WWOX: variants seen among roughly 807,000 people sequenced by gnomAD.
The protein encoded by WWOX is WW domain-containing oxidoreductase.
A neutral mutation model predicts 46.2 loss-of-function variants in WWOX; 69 were observed. The ratio of observed to expected loss-of-function variants is 1.49; its 90% CI spans 1.23 to 1.82. The LOEUF is 1.82. Among genes scored for constraint, WWOX ranks in the 40% most tolerant of loss-of-function variants. The pLI is 0.00. For synonymous variants in WWOX, 359 were observed against 202.6 expected, an observed-to-expected ratio of 1.77 and a Z score of -6.56; for missense variants, 919 against 542.6, an observed-to-expected ratio of 1.69 and a Z score of -6.89.
chr16:78,591,377 C>T (rs916042947), intron 8 of WWOX, among the ~76,000 whole-genome samples: 3 of 152,108 alleles, frequency 2.0e-5, no homozygotes, highest in Non-Finnish European at 4.4e-5. Flanking sequence ...GTGTTTAGGC[C>T]ATGGAAGAGT....
chr16:79,061,562 G>C (rs575663276), intron 8 of WWOX, among the ~76,000 whole-genome samples: 1 of 152,324 alleles, frequency 6.6e-6, no homozygotes, highest in Admixed American at 6.5e-5. Context: ...AGTTTATTTA[G>C]AAAGTAACAC....
intron 8 of WWOX, among the ~76,000 whole-genome samples, chr16:78,892,674 G>C (rs983581960): frequency 6.6e-6 from 1 of 152,204 alleles, no homozygotes; most frequent in African/African-American, 2.4e-5. Context: ...GCCAGCATTG[G>C]GCTAGGTGAG....
chr16:78,461,597 G>C lies in WWOX; in HGVS notation c.1056+28845G>C, dbSNP rs566982849. On this transcript the variant is annotated intron_variant, in intron 8 of 8. Coordinates refer to ENST00000566780, the MANE Select transcript of WWOX (RefSeq NM_016373.4). ...ACAGGTAAGGCAGCCAGGAGCTGCTGTTATTTCAGTGCAAAGCTGTTTTCA... is the reference window on the plus strand; with the variant it reads ...ACAGGTAAGGCAGCCAGGAGCTGCTCTTATTTCAGTGCAAAGCTGTTTTCA... Among the ~76,000 whole-genome samples, 12 of 152,314 alleles carry C rather than the reference G, an allele frequency of 7.9e-5. No homozygotes were observed. The South Asian group carries it at 2.5e-3, about 32-fold the overall frequency.
intron 8 of WWOX, among the ~76,000 whole-genome samples, chr16:78,703,635 G>T (rs1377251139): frequency 1.1e-4 from 17 of 151,048 alleles, no homozygotes; most frequent in Middle Eastern, 6.8e-3. Context: ...GTTTTTTTTT[G>T]TTTGTTTGTT....
chr16:78,732,412 C>T (rs942362085), intron 8 of WWOX, among the ~76,000 whole-genome samples: 3 of 152,156 alleles, frequency 2.0e-5, no homozygotes, highest in Non-Finnish European at 4.4e-5. Flanking sequence ...TAGTCAGCTT[C>T]AGTCATCAGA....
At chr16:78,973,891 T>A (rs970021035) in intron 8 of WWOX, among the ~76,000 whole-genome samples, 1 of 152,172 alleles carries the variant, frequency 6.6e-6, no homozygotes, top group African/African-American at 2.4e-5. Flanking sequence ...TAGGGAAAAA[T>A]TTGCATGTGT....
chr16:78,985,040 C>T (rs1180178474), intron 8 of WWOX, among the ~76,000 whole-genome samples: 1 of 152,168 alleles, frequency 6.6e-6, no homozygotes, highest in African/African-American at 2.4e-5. Flanking sequence ...GTCCCTTGCC[C>T]CCTCCACCCC....
At chr16:78,243,211 C>T (rs1226596238) in intron 5 of WWOX, among the ~76,000 whole-genome samples, 1 of 152,066 alleles carries the variant, frequency 6.6e-6, no homozygotes, top group East Asian at 1.9e-4. Context: ...CACGTTTCTT[C>T]TATAGTACAT....
chr16:78,539,861 T>C (rs928525829), intron 8 of WWOX, among the ~76,000 whole-genome samples: 5 of 152,176 alleles, frequency 3.3e-5, no homozygotes, highest in Admixed American at 2.0e-4. Context: ...TGTACCTCTA[T>C]TGGGAAATTT....
intron 8 of WWOX, among the ~76,000 whole-genome samples, chr16:78,643,227 G>A (rs2046762260): frequency 6.6e-6 from 1 of 152,216 alleles, no homozygotes; most frequent in African/African-American, 2.4e-5. Context: ...AAAAGGACAC[G>A]TATGCCTAGA....
intron 8 of WWOX, among the ~76,000 whole-genome samples, chr16:78,635,163 C>T (rs1022389806): frequency 3.3e-5 from 5 of 152,200 alleles, no homozygotes; most frequent in African/African-American, 4.8e-5. Flanking sequence ...TGCCACTCAA[C>T]ATCTGCAGTC....
rs1400268189 is a variant in WWOX at position 78,683,273 on chromosome 16, G to A, written c.1056+250521G>A. ...CACTTGTAATCTTAGCACTTTGGGAGGCTGAGGTGGGTGGATTGCCTGAGC... is the reference window on the plus strand; with the variant it reads ...CACTTGTAATCTTAGCACTTTGGGAAGCTGAGGTGGGTGGATTGCCTGAGC... On this transcript the variant is annotated intron_variant, in intron 8 of 8. Coordinates refer to ENST00000566780, the MANE Select transcript of WWOX (RefSeq NM_016373.4). 2.6e-5 allele frequency among the ~76,000 whole-genome samples: 4 copies of A among 151,910 alleles called. No homozygotes were observed. In the South Asian group the frequency reaches 8.3e-4, roughly 32 times the overall value.
chr16:78,443,262 A>G (rs561948641), intron 8 of WWOX, among the ~76,000 whole-genome samples: 342 of 151,932 alleles, frequency 2.3e-3, no homozygotes, highest in African/African-American at 7.9e-3. Context: ...CTGACATCGC[A>G]TCACTGCACT....
At chr16:78,174,961 C>G (rs1288836629) in intron 5 of WWOX, among the ~76,000 whole-genome samples, 1 of 151,028 alleles carries the variant, frequency 6.6e-6, no homozygotes, top group African/African-American at 2.4e-5. Flanking sequence ...GCACTCCAAT[C>G]TGGGTGACAG....
chr16:78,624,644 C>T (rs1002917722), intron 8 of WWOX, among the ~76,000 whole-genome samples: 2 of 152,270 alleles, frequency 1.3e-5, no homozygotes, highest in East Asian at 3.9e-4. Context: ...AGCTGAGATG[C>T]TGAGAAGGGG....
chr16:78,611,807 G>A (rs1277686600), intron 8 of WWOX, among the ~76,000 whole-genome samples: 1 of 152,130 alleles, frequency 6.6e-6, no homozygotes. Context: ...TTGTTGTCAA[G>A]GAAAGGAAAA....
chr16:78,880,427 CTCATTCG>C lies in WWOX; in HGVS notation c.1057-331180_1057-331174del, dbSNP rs534044816. Among the ~76,000 whole-genome samples, 20 of 152,314 alleles carry C rather than the reference CTCATTCG, an allele frequency of 1.3e-4. No individual in the cohort carries two copies. The East Asian group carries it at 3.7e-3, about 28-fold the overall frequency. On this transcript the variant is annotated intron_variant, in intron 8 of 8. Coordinates refer to ENST00000566780, the MANE Select transcript of WWOX (RefSeq NM_016373.4). ...CGATTACAAAAATGAGTTACAAATC[CTCATTCG>C]GTATACGAAAGTATATAGCTGCTTT...
intron 4 of WWOX, among the ~76,000 whole-genome samples, chr16:78,146,827 TC>T (rs2034215610): frequency 6.6e-6 from 1 of 152,242 alleles, no homozygotes. Context: ...TGTGTTTTGT[TC>T]CGTGCATCCT....
At chr16:78,436,356 A>T (rs1361571712) in intron 8 of WWOX, among the ~76,000 whole-genome samples, 1 of 152,182 alleles carries the variant, frequency 6.6e-6, no homozygotes, top group Non-Finnish European at 1.5e-5. Context: ...TCCAACCTGC[A>T]CGTCTCATTT....
Sources: gnomAD v4.1 joint callset for allele counts (sites outside exome capture counted in the v4.1 genomes callset) on GRCh38, gnomAD v4.1.1 for gene constraint, MANE v1.5 for transcripts, NCBI Gene and HGNC (gene_info 2026-07-23, HGNC 2026-07-21) for gene names.